The following MYO3B variants were observed in gnomAD, a reference collection of about 807,000 sequenced individuals.
MYO3B encodes the protein myosin-IIIb.
A neutral mutation model predicts 174.6 loss-of-function variants in MYO3B; 156 were observed. The observed-to-expected ratio is 0.89, with a 90% CI of 0.78 to 1.02. The LOEUF is 1.02. Among genes scored for constraint, MYO3B ranks in the 50% least tolerant of loss-of-function variants. The probability of loss-of-function intolerance (pLI) is 0.00; values close to 1 mark genes in which losing one functional copy is unlikely to be tolerated. For synonymous variants in MYO3B, 563 were observed against 569.1 expected, an observed-to-expected ratio of 0.99 and a Z score of 0.15; for missense variants, 1,632 against 1,639.4, an observed-to-expected ratio of 1.00 and a Z score of 0.08.
chr2:170,512,019 T>G (rs1445455983), intron 28 of MYO3B, among the ~76,000 whole-genome samples: 1 of 152,210 alleles, frequency 6.6e-6, no homozygotes, highest in African/African-American at 2.4e-5. Context: ...GAAACTGATT[T>G]CTAGGATAAT....
chr2:170,346,821 A>T (rs148089897), intron 8 of MYO3B, among the ~76,000 whole-genome samples: 88 of 152,330 alleles, frequency 5.8e-4, no homozygotes, highest in Non-Finnish European at 7.8e-4. Context: ...GCATCCCAGC[A>T]CTGATCAACT....
chr2:170,357,175 C>T (rs1329073923), intron 8 of MYO3B, among the ~76,000 whole-genome samples: 1 of 151,822 alleles, frequency 6.6e-6, no homozygotes, highest in Non-Finnish European at 1.5e-5. Context: ...GGCATTGTGG[C>T]AGTCACCTAT....
At chr2:170,479,216 G>A (rs530740607) in intron 25 of MYO3B, among the ~76,000 whole-genome samples, 303 of 150,330 alleles carry the variant, frequency 2.0e-3, no homozygotes, top group Non-Finnish European at 3.4e-3. Flanking sequence ...CCCGGGAAGC[G>A]GAGGTTGCAG....
intron 23 of MYO3B, among the ~76,000 whole-genome samples, chr2:170,448,790 G>T (rs1279770552): frequency 6.7e-6 from 1 of 148,516 alleles, no homozygotes; most frequent in Non-Finnish European, 1.5e-5. Flanking sequence ...GTGTGCGATA[G>T]TTTTTTTTTT....
chr2:170,381,273 G>A (rs781738797), intron 9 of MYO3B, among the ~76,000 whole-genome samples: 6 of 152,134 alleles, frequency 3.9e-5, no homozygotes, highest in African/African-American at 9.7e-5. Context: ...AGGTAGATAG[G>A]TAGATAGATA....
intron 27 of MYO3B, 124 bp downstream of exon 27, chr2:170,499,932 T>TTCTC: frequency 1.5e-6 from 1 of 666,240 alleles, no homozygotes; most frequent in Non-Finnish European, 2.3e-6. Context: ...CCTCCCTCCC[T>TTCTC]CCCTTCCTTC....
chr2:170,516,891 C>T (rs1688346568), intron 29 of MYO3B, among the ~76,000 whole-genome samples: 1 of 152,030 alleles, frequency 6.6e-6, no homozygotes, highest in African/African-American at 2.4e-5. Flanking sequence ...TCAGCCATGT[C>T]ACTGGTCTAA....
chr2:170,423,412 C>G (rs1011635049), intron 22 of MYO3B, among the ~76,000 whole-genome samples: 15 of 152,126 alleles, frequency 9.9e-5, no homozygotes, highest in African/African-American at 3.6e-4. Context: ...CCAAGGAGCC[C>G]TTCTTGTTGA....
Position 170,579,570 on chromosome 2 carries a change from G to A in MYO3B, c.3733+35582G>A, listed in dbSNP as rs570141393. Among the ~76,000 whole-genome samples, 257 of 152,284 alleles carry A rather than the reference G, an allele frequency of 1.7e-3. 1 individual carries two copies. Among genetic ancestry groups the A allele is most frequent in the South Asian group, 0.015 (74 of 4,824 alleles). On this transcript the variant is annotated intron_variant, in intron 32 of 34. Transcript: ENST00000408978. The stretch of plus-strand genomic sequence containing the variant: ...ATTTTTACTAAATGTGTAGGCAGAA[G>A]CCAATTTTTCCTGAAGCAAAGGAAT...
intron 23 of MYO3B, among the ~76,000 whole-genome samples, chr2:170,451,085 C>T (rs1683569511): frequency 6.6e-6 from 1 of 152,192 alleles, no homozygotes; most frequent in Non-Finnish European, 1.5e-5. Context: ...TTCCCTTTAA[C>T]AAAAACCATA....
chr2:170,582,224 A>C lies in MYO3B; in HGVS notation c.3733+38236A>C, dbSNP rs1469000412. 3.3e-5 allele frequency among the ~76,000 whole-genome samples: 5 copies of C among 152,242 alleles called. No individual in the cohort carries two copies. In the East Asian group the frequency reaches 9.6e-4, roughly 29 times the overall value. Reference sequence around the variant, plus strand: ...CAGCAGGTCTGTAGAATTCCCAGGAAGCAAAGGGATAGGAGCTTCTGGGGT... The same window carrying C: ...CAGCAGGTCTGTAGAATTCCCAGGACGCAAAGGGATAGGAGCTTCTGGGGT... On this transcript the variant is annotated intron_variant, in intron 32 of 34. Transcript: ENST00000408978.
intron 8 of MYO3B, among the ~76,000 whole-genome samples, chr2:170,348,954 C>A (rs2094039251): frequency 6.6e-6 from 1 of 152,198 alleles, no homozygotes. Context: ...AGAGCAGCAG[C>A]TTTCATAATA....
intron 32 of MYO3B, among the ~76,000 whole-genome samples, chr2:170,593,200 C>T (rs767746634): frequency 1.3e-5 from 2 of 152,100 alleles, no homozygotes; most frequent in Non-Finnish European, 2.9e-5. Context: ...TGAACTCAAG[C>T]GATCCCCCCA....
chr2:170,527,654 C>G (rs1276158813), intron 30 of MYO3B, among the ~76,000 whole-genome samples: 1 of 152,218 alleles, frequency 6.6e-6, no homozygotes, highest in Non-Finnish European at 1.5e-5. Flanking sequence ...GCTACAGACC[C>G]TGGAGCCAAA....
At chr2:170,513,761 G>A (rs1688123825) in intron 28 of MYO3B, among the ~76,000 whole-genome samples, 1 of 152,114 alleles carries the variant, frequency 6.6e-6, no homozygotes. Flanking sequence ...TTACTTTGAG[G>A]CAGCTAGAAA....
At chr2:170,556,635 C>A (rs777465091) in intron 32 of MYO3B, among the ~76,000 whole-genome samples, 1 of 152,156 alleles carries the variant, frequency 6.6e-6, no homozygotes, top group Non-Finnish European at 1.5e-5. Context: ...GATTCTCCTG[C>A]CTCAGCTTCC....
chr2:170,535,528 G>A (rs1407050793), intron 30 of MYO3B, among the ~76,000 whole-genome samples: 1 of 152,194 alleles, frequency 6.6e-6, no homozygotes, highest in Non-Finnish European at 1.5e-5. Flanking sequence ...TAATAGAATT[G>A]TGTGATTATC....
At chr2:170,356,295 G>A (rs777792855) in intron 8 of MYO3B, among the ~76,000 whole-genome samples, 9 of 151,806 alleles carry the variant, frequency 5.9e-5, no homozygotes, top group Non-Finnish European at 1.2e-4. Flanking sequence ...AGTGTCATAA[G>A]AAACAGCCCT....
intron 32 of MYO3B, among the ~76,000 whole-genome samples, chr2:170,586,092 CAGTT>C (rs1168753474): frequency 4.6e-5 from 7 of 152,168 alleles, no homozygotes; most frequent in African/African-American, 1.7e-4. Context: ...TTATTGTCCT[CAGTT>C]AGGAAGCAGC....
Sources: allele counts gnomAD v4.1 joint callset (sites outside exome capture counted in the v4.1 genomes callset), GRCh38; gene constraint gnomAD v4.1.1; transcripts MANE v1.5; gene names NCBI Gene and HGNC (gene_info 2026-07-23, HGNC 2026-07-21).